ADARB2: variants seen among roughly 807,000 people sequenced by gnomAD.
ADARB2 encodes the protein inactive double-stranded RNA-specific editase B2.
A neutral mutation model predicts 62.2 loss-of-function variants in ADARB2; 25 were observed. The observed-to-expected ratio is 0.40, with a 90% CI of 0.29 to 0.56. ADARB2 has a LOEUF of 0.56. Ranked by LOEUF, ADARB2 falls within the 20% of genes least tolerant of loss-of-function variation. The pLI is 0.43. For missense variants in ADARB2, 1,071 were observed against 1,077.4 expected (o/e 0.99, Z 0.08); for synonymous variants, 572 against 500.8 (o/e 1.14, Z -1.90).
intron 1 of ADARB2, among the ~76,000 whole-genome samples, chr10:1,566,063 CAAAAAAAAAAAAAAAAAAAAAAAAAA>C (rs376967105): frequency 3.1e-5 from 4 of 128,040 alleles, no homozygotes; most frequent in African/African-American, 1.2e-4. Flanking sequence ...CTCAGTCTAG[CAAAAAAAAAAAAAAAAAAAAAAAAAA>C]AAAAAAAAAA....
intron 1 of ADARB2, among the ~76,000 whole-genome samples, chr10:1,721,681 G>T (rs942287317): frequency 1.3e-5 from 2 of 152,212 alleles, no homozygotes; most frequent in Non-Finnish European, 2.9e-5. Flanking sequence ...AGAGGGCCTT[G>T]TGTGGCCTCA....
intron 1 of ADARB2, among the ~76,000 whole-genome samples, chr10:1,720,717 C>A (rs569628813): frequency 6.6e-6 from 1 of 152,144 alleles, no homozygotes; most frequent in African/African-American, 2.4e-5. Flanking sequence ...ATGCGGGGGC[C>A]TCTGGGCCCC....
intron 6 of ADARB2, among the ~76,000 whole-genome samples, chr10:1,220,340 A>C (rs1265376984): frequency 9.4e-6 from 1 of 106,310 alleles, no homozygotes; most frequent in East Asian, 3.4e-4. Flanking sequence ...GTGATGGATG[A>C]TGGTGATTGT....
intron 1 of ADARB2, among the ~76,000 whole-genome samples, chr10:1,732,208 G>A (rs1193257686): frequency 4.0e-5 from 6 of 149,042 alleles, no homozygotes; most frequent in African/African-American, 1.5e-4. Flanking sequence ...TAATATACAT[G>A]TATATATATA....
At chr10:1,465,905 A>G (rs967611134) in intron 1 of ADARB2, among the ~76,000 whole-genome samples, 14 of 152,222 alleles carry the variant, frequency 9.2e-5, no homozygotes, top group African/African-American at 2.9e-4. Context: ...TTGCTTTTGC[A>G]TTTAGTTTGC....
intron 3 of ADARB2, among the ~76,000 whole-genome samples, chr10:1,358,924 GTTTAC>G (rs938382312): frequency 4.6e-5 from 7 of 152,274 alleles, no homozygotes; most frequent in East Asian, 1.9e-4. Context: ...TGGCATTATA[GTTTAC>G]TTTATTCTCC....
At chr10:1,551,497 A>G (rs1379327730) in intron 1 of ADARB2, among the ~76,000 whole-genome samples, 1 of 152,202 alleles carries the variant, frequency 6.6e-6, no homozygotes, top group Non-Finnish European at 1.5e-5. Flanking sequence ...CACTGCCAGG[A>G]GCAGGCCTCA....
chr10:1,597,800 T>C (rs1426936321), intron 1 of ADARB2, among the ~76,000 whole-genome samples: 1 of 152,226 alleles, frequency 6.6e-6, no homozygotes, highest in Non-Finnish European at 1.5e-5. Flanking sequence ...GAAATCATTG[T>C]ATAAAAAAGA....
intron 1 of ADARB2, among the ~76,000 whole-genome samples, chr10:1,697,857 A>G (rs530223155): frequency 7.9e-5 from 12 of 152,250 alleles, no homozygotes; most frequent in African/African-American, 2.9e-4. Context: ...CGACTTGCTT[A>G]CTCCGTAACC....
chr10:1,288,859 G>A (rs1033931501), intron 3 of ADARB2, among the ~76,000 whole-genome samples: 1 of 152,184 alleles, frequency 6.6e-6, no homozygotes, highest in Non-Finnish European at 1.5e-5. Flanking sequence ...TTGTCTAAAC[G>A]CTGGTGTAAG....
At chr10:1,332,620 G>A (rs538599055) in intron 3 of ADARB2, among the ~76,000 whole-genome samples, 1 of 152,050 alleles carries the variant, frequency 6.6e-6, no homozygotes, top group South Asian at 2.1e-4. Context: ...TTGGCCCCCT[G>A]ACCTCAGAGG....
At chr10:1,731,758 C>T (rs887031074) in intron 1 of ADARB2, among the ~76,000 whole-genome samples, 1 of 152,182 alleles carries the variant, frequency 6.6e-6, no homozygotes, top group Non-Finnish European at 1.5e-5. Flanking sequence ...AGTGCAGCCC[C>T]TGCTGCTTTT....
chr10:1,655,528 A>G (rs897800060), intron 1 of ADARB2, among the ~76,000 whole-genome samples: 23 of 152,378 alleles, frequency 1.5e-4, no homozygotes, highest in Admixed American at 1.4e-3. Flanking sequence ...GAACCACTGT[A>G]AAACTGTCCT....
intron 1 of ADARB2, among the ~76,000 whole-genome samples, chr10:1,444,248 A>T (rs1161619882): frequency 7.4e-6 from 1 of 135,628 alleles, no homozygotes; most frequent in Non-Finnish European, 1.6e-5. Context: ...CCATCTATCC[A>T]TCCATTCACC....
intron 1 of ADARB2, among the ~76,000 whole-genome samples, chr10:1,617,930 G>A (rs1228240597): frequency 1.3e-5 from 2 of 152,174 alleles, no homozygotes; most frequent in Non-Finnish European, 2.9e-5. Flanking sequence ...TTTGTTGGAC[G>A]GCTCTTCCCC....
At chr10:1,351,389 G>C (rs1359729514) in intron 3 of ADARB2, among the ~76,000 whole-genome samples, 1 of 151,202 alleles carries the variant, frequency 6.6e-6, no homozygotes, top group African/African-American at 2.4e-5. Context: ...AACTGTTGTA[G>C]GTATTGACGG....
At chr10:1,507,947 C>T (rs1231710824) in intron 1 of ADARB2, among the ~76,000 whole-genome samples, 5 of 152,088 alleles carry the variant, frequency 3.3e-5, no homozygotes, top group African/African-American at 7.2e-5. Flanking sequence ...GAACTAGTAA[C>T]GTGGTCAGGG....
rs1023958174 is a variant in ADARB2, at chr10:1,704,285, A to G, written c.100+32766T>C. ...ATATTACATTGTAATATATAATGAA[A>G]TAATTATATAACTCAGCATAATGTA... On this transcript the variant is annotated intron_variant, in intron 1 of 9. Transcript: ENST00000381312. This position sits in a 1 kb window ranked among gnomAD's most constrained non-coding sequence, Gnocchi z 5.6. Among the ~76,000 whole-genome samples, 1 of 152,246 alleles carries G rather than the reference A, an allele frequency of 6.6e-6. No individual in the cohort carries two copies. Among genetic ancestry groups the G allele is most frequent in the African/African-American group, 2.4e-5 (1 of 41,452 alleles).
intron 1 of ADARB2, among the ~76,000 whole-genome samples, chr10:1,510,110 C>CTCCTTCTTTCTT (rs1831908568): frequency 9.4e-6 from 1 of 106,184 alleles, no homozygotes; most frequent in Non-Finnish European, 1.9e-5. Flanking sequence ...CTTTCTTTCT[C>CTCCTTCTTTCTT]TCTTTCTTTC....
Sources: allele counts gnomAD v4.1 joint callset (sites outside exome capture counted in the v4.1 genomes callset), GRCh38; gene constraint gnomAD v4.1.1; non-coding constraint Gnocchi (gnomAD v3.1); transcripts MANE v1.5; gene names NCBI Gene and HGNC (gene_info 2026-07-23, HGNC 2026-07-21).